Variants in KNTC1 observed in about 807,000 individuals in gnomAD.
KNTC1 encodes the protein kinetochore associated 1.
In KNTC1, 253 loss-of-function variants were observed where a neutral mutation model predicts 314.4. That is an observed-to-expected ratio of 0.80 (90% CI 0.73 to 0.89). The LOEUF is 0.89. Ranked by LOEUF, KNTC1 falls within the 40% of genes least tolerant of loss-of-function variation. KNTC1 has a pLI of 0.00. For missense variants in KNTC1, 2,475 were observed against 2,572.9 expected (o/e 0.96, Z 0.82); for synonymous variants, 901 against 901.4 (o/e 1.00, Z 0.01).
chr12:122,616,452 G>C (rs888946528), intron 57 of KNTC1, among the ~76,000 whole-genome samples: 1 of 152,016 alleles, frequency 6.6e-6, no homozygotes, highest in Non-Finnish European at 1.5e-5. Context: ...TAATAGAGAC[G>C]GGGTTTCACC....
chr12:122,597,566 G>A, intron 43 of KNTC1, 165 bp from the exon 44 acceptor site: 1 of 638,600 alleles, frequency 1.6e-6, no homozygotes. Context: ...ATTTTTAAAA[G>A]GCAATAATTA....
Position 122,618,374 on chromosome 12 carries a change from T to C in KNTC1, c.6062T>C (p.Val2021Ala). ...VPYFSKAWQRVIQIPLLSASC... is the reference protein window; with the variant it reads ...VPYFSKAWQRAIQIPLLSASC... ...TACTTCAGCAAAGCGTGGCAGCGTG[T>C]GATACAGATACCACTGCTTTCAGGT... Residue 2021 changes from valine to alanine, a missense_variant, in exon 58 of 64, where the codon GTG becomes GCG. Transcript: ENST00000333479. 6.2e-7 allele frequency: 1 copy of C among 1,613,590 alleles called. No homozygotes were observed. The highest frequency in any genetic ancestry group is 1.7e-4 in the Middle Eastern group (1 of 6,060).
intron 44 of KNTC1, among the ~76,000 whole-genome samples, chr12:122,598,421 C>CTTTTTTTTTTTTTTTTTTTT (rs11395342): frequency 8.0e-6 from 1 of 124,284 alleles, no homozygotes; most frequent in Admixed American, 9.3e-5. Context: ...TTTTTCTTTT[C>CTTTTTTTTTTTTTTTTTTTT]TTTTTTTTTT....
chr12:122,580,121 A>G, intron 32 of KNTC1, 144 bp downstream of exon 32: 1 of 614,586 alleles, frequency 1.6e-6, no homozygotes, highest in East Asian at 2.8e-5. Flanking sequence ...TTGCTTCATG[A>G]AAAGTCTTCC....
intron 3 of KNTC1, among the ~76,000 whole-genome samples, chr12:122,535,053 A>G (rs373709765): frequency 9.2e-5 from 14 of 152,250 alleles, no homozygotes; most frequent in African/African-American, 2.4e-4. Context: ...TTAGAATACT[A>G]TGGAAAACAT....
At chr12:122,527,394 T>C (rs1408646293) in intron 1 of KNTC1, 43 bp downstream of exon 1, 2 of 155,250 alleles carry the variant, frequency 1.3e-5, no homozygotes, top group Non-Finnish European at 2.9e-5. Context: ...TGGGGGTGGG[T>C]TCAGGACGAA....
chr12:122,620,665 T>C (rs1436867674), intron 60 of KNTC1, 57 bp downstream of exon 60: 4 of 1,570,172 alleles, frequency 2.5e-6, no homozygotes, highest in African/African-American at 1.4e-5. Context: ...TCATCTTGCA[T>C]GTCCCTTGCA....
rs1873669107 is a variant in KNTC1, at chr12:122,615,462, T to G, written c.5974-8T>G. On this transcript the variant is annotated splice_region_variant and splice_polypyrimidine_tract_variant and intron_variant, in intron 56 of 63. Coordinates refer to ENST00000333479, the MANE Select transcript of KNTC1 (RefSeq NM_014708.6). ...CTTTAGAACTTTTTTATTTTTAATT[T>G]TTTACAGATTCCTTATCTAAGGAAA... is the stretch of plus-strand genomic sequence containing the variant. 1 of 1,509,956 alleles carries G rather than the reference T, an allele frequency of 6.6e-7. No homozygotes were observed. Among genetic ancestry groups the G allele is most frequent in the African/African-American group, 1.4e-5 (1 of 71,076 alleles). The allele number at this position is 1,509,956 out of a possible 1,614,324, so 93.5% of individuals were successfully genotyped here.
In KNTC1 at chr12:122,582,833, G is replaced by C. The variant is rs201046154; in HGVS notation, c.3111G>C (p.Glu1037Asp). ...QAKHKPGSTP[E>D]PIAAEVRSPS... ...AACACAAACCTGGGAGCACCCCAGAGCCCATAGCTGCTGAGGTGAGGAGCC... is the reference window on the plus strand; with the variant it reads ...AACACAAACCTGGGAGCACCCCAGACCCCATAGCTGCTGAGGTGAGGAGCC... The change falls in exon 34 of 64, where the codon GAG (glutamate) becomes GAC (aspartate). Residue 1037 changes from glutamate (E) to aspartate (D), a missense_variant. By Grantham distance (45) the Glu-to-Asp change is conservative. Transcript: ENST00000333479. 6 of 1,611,968 alleles carry C rather than the reference G, an allele frequency of 3.7e-6. No homozygotes were observed. The highest frequency in any genetic ancestry group is 1.7e-5 in the Admixed American group (1 of 59,612).
intron 2 of KNTC1, among the ~76,000 whole-genome samples, chr12:122,533,444 C>T (rs182947756): frequency 3.9e-5 from 6 of 152,202 alleles, no homozygotes; most frequent in Admixed American, 1.3e-4. Context: ...TTTGTATTCC[C>T]GGCACTTTGG....
chr12:122,587,072 C>T (rs1284550843), intron 38 of KNTC1, among the ~76,000 whole-genome samples: 1 of 152,224 alleles, frequency 6.6e-6, no homozygotes, highest in African/African-American at 2.4e-5. Context: ...CCGCCTCAGC[C>T]TCCCAAAGTG....
intron 33 of KNTC1, among the ~76,000 whole-genome samples, chr12:122,581,529 C>CTGTTG: frequency 7.0e-6 from 1 of 142,530 alleles, no homozygotes; most frequent in East Asian, 2.1e-4. Context: ...AAGTCTCACT[C>CTGTTG]TGTTGCCCAG....
chr12:122,614,771 C>T (rs1445873202), intron 55 of KNTC1, among the ~76,000 whole-genome samples: 4 of 151,908 alleles, frequency 2.6e-5, no homozygotes, highest in Non-Finnish European at 4.4e-5. Flanking sequence ...ATCCCAGCTA[C>T]TCGGGAAGCT....
intron 43 of KNTC1, among the ~76,000 whole-genome samples, chr12:122,595,480 T>A (rs1034252929): frequency 1.3e-5 from 2 of 152,220 alleles, no homozygotes; most frequent in Non-Finnish European, 2.9e-5. Context: ...TGTAACAGAT[T>A]AATGGAATCT....
At chr12:122,530,796 T>C (rs1233389760) in intron 2 of KNTC1, among the ~76,000 whole-genome samples, 1 of 152,140 alleles carries the variant, frequency 6.6e-6, no homozygotes, top group African/African-American at 2.4e-5. Flanking sequence ...ATGTTACAAA[T>C]AGAGTTGAAG....
At chr12:122,625,601 AC>A (rs563868043) in intron 63 of KNTC1, among the ~76,000 whole-genome samples, 22 of 151,704 alleles carry the variant, frequency 1.5e-4, no homozygotes, top group East Asian at 3.9e-4. Context: ...AAAAAAAAAA[AC>A]AAAGGAAAAA....
chr12:122,609,990 T>C (rs763453688), intron 52 of KNTC1, among the ~76,000 whole-genome samples: 1 of 152,230 alleles, frequency 6.6e-6, no homozygotes, highest in Non-Finnish European at 1.5e-5. Flanking sequence ...GCCAGCTTTT[T>C]GTCTTTCTAG....
In KNTC1 at chr12:122,530,086, T is replaced by C. The variant is rs1961184104; in HGVS notation, c.23T>C (p.Leu8Pro). 1 of 1,613,672 alleles carries C rather than the reference T, an allele frequency of 6.2e-7. No homozygotes were observed. The highest frequency in any genetic ancestry group is 1.3e-5 in the African/African-American group (1 of 74,910). The change falls in exon 2 of 64, where the codon CTA becomes CCA. Residue 8 changes from leucine to proline, a missense_variant. Coordinates refer to ENST00000333479, the MANE Select transcript of KNTC1 (RefSeq NM_014708.6). The part of the protein sequence containing the change: MWNDIEL[L>P]TNDDTGSGYL... The stretch of plus-strand genomic sequence containing the variant: ...AACATGTGGAATGATATTGAGCTGC[T>C]AACAAATGATGATACCGGAAGTGGG...
intron 42 of KNTC1, 47 bp downstream of exon 42, chr12:122,591,500 T>G (rs763079847): frequency 1.0e-6 from 1 of 980,000 alleles, no homozygotes; most frequent in South Asian, 1.4e-5. Flanking sequence ...AATTACCCGG[T>G]TGGAAAATTT....
Sources: gnomAD v4.1 joint callset for allele counts (sites outside exome capture counted in the v4.1 genomes callset) on GRCh38, gnomAD v4.1.1 for gene constraint, MANE v1.5 for transcripts, NCBI Gene and HGNC (gene_info 2026-07-23, HGNC 2026-07-21) for gene names.